The following COA1 variants were observed in gnomAD, a reference collection of about 807,000 sequenced individuals.
COA1 encodes the protein cytochrome c oxidase assembly factor 1.
A neutral mutation model predicts 16.0 loss-of-function variants in COA1; 13 were observed. The ratio of observed to expected loss-of-function variants is 0.81; its 90% CI spans 0.53 to 1.29. The LOEUF is 1.29. COA1 is among the 50% of genes most tolerant of loss of function. The pLI, the probability that COA1 is intolerant of heterozygous loss-of-function variation, is 0.00. For synonymous variants in COA1, 65 were observed against 65.7 expected (o/e 0.99, Z 0.05); for missense variants, 179 against 177.0 (o/e 1.01, Z -0.06).
At chr7:43,647,485 G>A (rs779004034) in intron 3 of COA1, 50 bp downstream of exon 3, 16 of 1,188,630 alleles carry the variant, frequency 1.3e-5, no homozygotes, top group Non-Finnish European at 1.9e-5. Flanking sequence ...TGGAGGAGCA[G>A]GAGCAGGCTA....
chr7:43,642,496 G>A (rs1332900209), intron 4 of COA1, among the ~76,000 whole-genome samples: 1 of 152,092 alleles, frequency 6.6e-6, no homozygotes, highest in African/African-American at 2.4e-5. Flanking sequence ...CCCACTGTTT[G>A]AGTCAAGCTA....
chr7:43,612,595 C>T (rs2082972938), intron 6 of COA1, among the ~76,000 whole-genome samples: 1 of 152,154 alleles, frequency 6.6e-6, no homozygotes, highest in South Asian at 2.1e-4. Context: ...TATTTAGTCT[C>T]CATGCTGGTT....
intron 1 of COA1, among the ~76,000 whole-genome samples, chr7:43,727,209 G>A (rs1360082794): frequency 6.6e-6 from 1 of 152,176 alleles, no homozygotes; most frequent in Non-Finnish European, 1.5e-5. Context: ...CAGAAAGACA[G>A]ATAATGACAA....
At position 43,656,783 on chromosome 7, in the gene COA1, A is replaced by C. The variant is rs10242140; in HGVS notation, c.-38-8131T>G. Among the ~76,000 whole-genome samples, 975 of 152,324 alleles carry C rather than the reference A, an allele frequency of 6.4e-3. 9 individuals carry two copies. Among genetic ancestry groups the C allele is most frequent in the Non-Finnish European group, 7.6e-3 (518 of 68,034 alleles). ...TAACATAGCAAATATCATTATACCA[A>C]AATAAAGCCAAAAACTACCACCTAC... On this transcript the variant is annotated intron_variant, in intron 1 of 5. Coordinates refer to ENST00000223336, the MANE Select transcript of COA1 (RefSeq NM_018224.4).
At chr7:43,663,556 G>C (rs1372114912) in intron 1 of COA1, among the ~76,000 whole-genome samples, 1 of 150,618 alleles carries the variant, frequency 6.6e-6, no homozygotes, top group Non-Finnish European at 1.5e-5. Flanking sequence ...CCCAGCTACT[G>C]AGGAGGCTGA....
rs889173331 is a variant in COA1 at position 43,639,668 on chromosome 7, C to T, written c.355G>A (p.Glu119Lys). Residue 119 changes from glutamate (E) to lysine (K), a missense_variant, in exon 6 of 6, where the codon GAG becomes AAG. Glu to Lys is a moderately conservative substitution (Grantham distance 56, BLOSUM62 1). Coordinates refer to ENST00000223336, the MANE Select transcript of COA1 (RefSeq NM_018224.4). ...CCATCCTTGAGCTCTAAAAAGACCT[C>T]GTCAAGGTGCCACCTGAGAGAAACC... ...GGPFQRWHLD[E>K]VFLELKDGQQ... 18 of 1,613,662 alleles carry T rather than the reference C, an allele frequency of 1.1e-5. No homozygotes were observed. The highest frequency in any genetic ancestry group is 2.2e-5 in the South Asian group (2 of 91,072).
intron 2 of COA1, chr7:43,648,385 T>C (rs894012883): frequency 1.5e-6 from 1 of 652,748 alleles, no homozygotes; most frequent in African/African-American, 1.8e-5. Context: ...TCCCAGAGTG[T>C]TACAGCTTCC....
At chr7:43,655,518 GTGTAATCCCTGTAATCACC>G (rs1372332420) in intron 1 of COA1, among the ~76,000 whole-genome samples, 2 of 152,132 alleles carry the variant, frequency 1.3e-5, no homozygotes, top group African/African-American at 4.8e-5. Context: ...GGGCATGGTG[GTGTAATCCCTGTAATCACC>G]TGTAATCCCA....
intron 6 of COA1, among the ~76,000 whole-genome samples, chr7:43,627,192 TAATC>T (rs2084653018): frequency 1.3e-5 from 2 of 152,250 alleles, no homozygotes; most frequent in Non-Finnish European, 2.9e-5. Context: ...GTATAAGTTT[TAATC>T]AACTGGGAAA....
intron 1 of COA1, among the ~76,000 whole-genome samples, chr7:43,714,393 C>T (rs980423570): frequency 2.6e-5 from 4 of 151,614 alleles, no homozygotes; most frequent in African/African-American, 9.7e-5. Context: ...TTTGGGAGGC[C>T]GAGGAGGGTG....
At chr7:43,703,135 T>C (rs1263118352) in intron 1 of COA1, among the ~76,000 whole-genome samples, 1 of 152,204 alleles carries the variant, frequency 6.6e-6, no homozygotes, top group Non-Finnish European at 1.5e-5. Flanking sequence ...AATTTCCATG[T>C]AATTGTATGG....
Position 43,629,540 on chromosome 7 carries a change from A to G in COA1, c.*133+9909T>C, listed in dbSNP as rs946560786. Among the ~76,000 whole-genome samples the G allele has an allele frequency of 5.9e-5, 9 of 152,144 alleles. 1 individual carries two copies. In the South Asian group the frequency reaches 1.9e-3, roughly 31 times the overall value. On this transcript the variant is annotated intron_variant and NMD_transcript_variant, in intron 6 of 6. Coordinates refer to the COA1 transcript ENST00000415076. ...TGCTGTTGTTTTTTGGATAGTCTTC[A>G]TATTTCAGCTTTTTTTGTTTGCTTT...
chr7:43,640,472 A>T, intron 5 of COA1, 101 bp downstream of exon 5: 1 of 869,458 alleles, frequency 1.2e-6, no homozygotes, highest in Non-Finnish European at 1.9e-6. Context: ...AATTCTTCCT[A>T]TGCCCACAGT....
chr7:43,638,489 A>AGTT (rs372066575), downstream of COA1, among the ~76,000 whole-genome samples: 24 of 152,088 alleles, frequency 1.6e-4, 1 homozygote, highest in East Asian at 4.6e-3. Flanking sequence ...CATGCGGTTA[A>AGTT]GTTGTTTGGA....
At chr7:43,647,306 T>G (rs1417224957) in intron 3 of COA1, 3 of 557,898 alleles carry the variant, frequency 5.4e-6, no homozygotes, top group Non-Finnish European at 9.6e-6. Flanking sequence ...TTGCTGGGCT[T>G]CTTATGCATA....
At chr7:43,632,327 C>T (rs1410727244) in intron 6 of COA1, 1 of 152,520 alleles carries the variant, frequency 6.6e-6, no homozygotes, top group African/African-American at 2.4e-5. Flanking sequence ...TTCTAGTTCT[C>T]TTGCTATTTT....
intron 6 of COA1, among the ~76,000 whole-genome samples, chr7:43,610,559 C>G (rs2082766455): frequency 6.6e-6 from 1 of 151,116 alleles, no homozygotes; most frequent in South Asian, 2.1e-4. Flanking sequence ...CCCAGCTACT[C>G]CAGAGGCTGA....
At chr7:43,618,643 T>G (rs1290959411) in intron 6 of COA1, among the ~76,000 whole-genome samples, 4 of 152,230 alleles carry the variant, frequency 2.6e-5, no homozygotes, top group African/African-American at 9.6e-5. Flanking sequence ...TTTTAAAAAT[T>G]TAATGAATTT....
At chr7:43,650,739 TA>T (rs1313151035) in intron 1 of COA1, 2 of 144,070 alleles carry the variant, frequency 1.4e-5, no homozygotes, top group Non-Finnish European at 3.0e-5. Context: ...ATAACAAAAA[TA>T]AAAAGTTCCC....
Sources: gnomAD v4.1 joint callset for allele counts (sites outside exome capture counted in the v4.1 genomes callset) on GRCh38, gnomAD v4.1.1 for gene constraint, MANE v1.5 for transcripts, NCBI Gene and HGNC (gene_info 2026-07-23, HGNC 2026-07-21) for gene names.